The following ALPK1 variants were observed in gnomAD, a reference collection of about 807,000 sequenced individuals.
ALPK1 encodes the protein alpha kinase 1.
In ALPK1, 110 loss-of-function variants were observed where a neutral mutation model predicts 120.6. The observed-to-expected ratio is 0.91, with a 90% CI of 0.78 to 1.07. The LOEUF (loss-of-function observed/expected upper bound fraction) is 1.07, where lower values mean the gene tolerates loss of function less well. Among genes scored for constraint, ALPK1 ranks in the 50% least tolerant of loss-of-function variants. ALPK1 has a pLI of 0.00. For missense variants in ALPK1, 1,498 were observed against 1,483.9 expected (o/e 1.01, Z -0.16); for synonymous variants, 582 against 560.3 (o/e 1.04, Z -0.55).
chr4:112,427,701 A>C, intron 9 of ALPK1, 36 bp downstream of exon 9: 1 of 1,486,772 alleles, frequency 6.7e-7, no homozygotes, highest in Non-Finnish European at 9.4e-7. Context: ...TCACCTGTAA[A>C]ATTGTCAATC....
intron 2 of ALPK1, chr4:112,359,264 C>A (rs1272742222): frequency 1.9e-6 from 1 of 521,596 alleles, no homozygotes; most frequent in Non-Finnish European, 3.5e-6. Context: ...GCCAGCATGC[C>A]ATGAGCGCCT....
chr4:112,371,411 C>A (rs1731398575), intron 2 of ALPK1, among the ~76,000 whole-genome samples: 1 of 152,192 alleles, frequency 6.6e-6, no homozygotes, highest in Admixed American at 6.6e-5. Flanking sequence ...CCAGTCCCAC[C>A]TCATATCAAC....
At chr4:112,361,013 G>A (rs1381553330) in intron 2 of ALPK1, among the ~76,000 whole-genome samples, 1 of 151,496 alleles carries the variant, frequency 6.6e-6, no homozygotes, top group Non-Finnish European at 1.5e-5. Flanking sequence ...TTCTCAAATT[G>A]CACATCCACA....
At chr4:112,321,500 C>T (rs1728865928) in intron 2 of ALPK1, among the ~76,000 whole-genome samples, 1 of 152,150 alleles carries the variant, frequency 6.6e-6, no homozygotes, top group East Asian at 1.9e-4. Context: ...GAACTTTCCT[C>T]TTATCACTGC....
At chr4:112,335,081 AACCCCATCTCTACT>A (rs1729552459) in intron 2 of ALPK1, among the ~76,000 whole-genome samples, 1 of 152,086 alleles carries the variant, frequency 6.6e-6, no homozygotes, top group African/African-American at 2.4e-5. Flanking sequence ...AACATGAAGA[AACCCCATCTCTACT>A]AAAAACACAA....
intron 5 of ALPK1, among the ~76,000 whole-genome samples, chr4:112,422,357 T>C (rs1734036695): frequency 1.3e-5 from 2 of 152,194 alleles, no homozygotes; most frequent in South Asian, 4.1e-4. Flanking sequence ...AACTAAAAGA[T>C]ACACATTTTG....
At chr4:112,367,577 TAA>T (rs1020129498) in intron 2 of ALPK1, among the ~76,000 whole-genome samples, 12 of 152,230 alleles carry the variant, frequency 7.9e-5, no homozygotes, top group African/African-American at 2.7e-4. Flanking sequence ...CCATTTTATA[TAA>T]GAGACTTGAA....
intron 5 of ALPK1, among the ~76,000 whole-genome samples, chr4:112,422,895 G>A (rs1436917137): frequency 6.6e-6 from 1 of 152,228 alleles, no homozygotes; most frequent in Non-Finnish European, 1.5e-5. Flanking sequence ...TTCCAAGAAG[G>A]GAAGGCAGAA....
chr4:112,404,793 G>T (rs897980583), intron 4 of ALPK1, among the ~76,000 whole-genome samples: 1 of 152,106 alleles, frequency 6.6e-6, no homozygotes, highest in Non-Finnish European at 1.5e-5. Context: ...CTTGAGCTTT[G>T]TTCTGGGACT....
chr4:112,388,415 A>G (rs1732247414), intron 4 of ALPK1, among the ~76,000 whole-genome samples: 1 of 152,206 alleles, frequency 6.6e-6, no homozygotes, highest in South Asian at 2.1e-4. Context: ...AAGTTATGGA[A>G]ACAATAAAAT....
At chr4:112,407,687 C>A (rs1733250161) in intron 4 of ALPK1, among the ~76,000 whole-genome samples, 1 of 152,146 alleles carries the variant, frequency 6.6e-6, no homozygotes, top group Non-Finnish European at 1.5e-5. Context: ...TGGTCCTATA[C>A]AAGTGGAAAC....
In ALPK1 at chr4:112,431,332, G is replaced by C. The variant is rs116802171; in HGVS notation, c.1785G>C (p.Trp595Cys). The change falls in exon 11 of 16, where the codon TGG becomes TGC. Residue 595 changes from tryptophan to cysteine, a missense_variant. Trp to Cys is a radical substitution (Grantham distance 215). Coordinates refer to ENST00000650871, the MANE Select transcript of ALPK1 (RefSeq NM_025144.4). ...CAGGGTTTAGTTCCTCTGCAAGCTG[G>C]GAGGAAGTGAATTATCACGTTGACG... ...NLSGFSSSAS[W>C]EEVNYHVDDR... 6.2e-6 allele frequency: 10 copies of C among 1,614,076 alleles called. No homozygotes were observed. Among genetic ancestry groups the C allele is most frequent in the Non-Finnish European group, 8.5e-6 (10 of 1,180,052 alleles).
intron 2 of ALPK1, chr4:112,357,065 G>C (rs1578495338): frequency 1.1e-6 from 1 of 939,706 alleles, no homozygotes; most frequent in East Asian, 2.4e-5. Flanking sequence ...CATGGAGCTG[G>C]AAGACATTGC....
intron 2 of ALPK1, among the ~76,000 whole-genome samples, chr4:112,368,074 C>T (rs560955561): frequency 8.5e-5 from 13 of 152,094 alleles, no homozygotes; most frequent in African/African-American, 2.4e-4. Flanking sequence ...CGCACCACCA[C>T]GCCTGGCTAA....
chr4:112,330,663 A>C (rs1729328730), intron 2 of ALPK1, among the ~76,000 whole-genome samples: 1 of 152,190 alleles, frequency 6.6e-6, no homozygotes, highest in South Asian at 2.1e-4. Flanking sequence ...GATTCAGAGC[A>C]TATACTATTT....
chr4:112,381,941 C>T (rs1731929105), intron 3 of ALPK1, among the ~76,000 whole-genome samples: 2 of 152,104 alleles, frequency 1.3e-5, no homozygotes, highest in South Asian at 4.1e-4. Flanking sequence ...TAGTCCATAT[C>T]GAAGGGATGA....
intron 2 of ALPK1, among the ~76,000 whole-genome samples, chr4:112,374,615 T>C (rs1731569061): frequency 6.6e-6 from 1 of 152,228 alleles, no homozygotes; most frequent in African/African-American, 2.4e-5. Flanking sequence ...AGATATAAGC[T>C]GTGATCACTA....
At chr4:112,389,968 G>A (rs1732330894) in intron 4 of ALPK1, among the ~76,000 whole-genome samples, 1 of 152,150 alleles carries the variant, frequency 6.6e-6, no homozygotes, top group Non-Finnish European at 1.5e-5. Flanking sequence ...TGTTCCAGCT[G>A]CAGCTATATC....
At chr4:112,396,167 T>C (rs1173640174) in intron 4 of ALPK1, among the ~76,000 whole-genome samples, 1 of 151,818 alleles carries the variant, frequency 6.6e-6, no homozygotes, top group African/African-American at 2.4e-5. Context: ...CCCTCATTAT[T>C]TGAAAGATAT....
Sources: allele counts gnomAD v4.1 joint callset (sites outside exome capture counted in the v4.1 genomes callset), GRCh38; gene constraint gnomAD v4.1.1; transcripts MANE v1.5; gene names NCBI Gene and HGNC (gene_info 2026-07-23, HGNC 2026-07-21).